Variants in CRB1 observed in about 807,000 individuals in gnomAD.
CRB1 encodes the protein protein crumbs homolog 1.
A neutral mutation model predicts 120.0 loss-of-function variants in CRB1; 83 were observed. The ratio of observed to expected loss-of-function variants is 0.69; its 90% confidence interval spans 0.58 to 0.83. The LOEUF is 0.83. Among genes scored for constraint, CRB1 ranks in the 40% least tolerant of loss-of-function variants. CRB1 has a pLI of 0.00. For synonymous variants in CRB1, 625 were observed against 612.5 expected (o/e 1.02, Z -0.30); for missense variants, 1,699 against 1,687.6 (o/e 1.01, Z -0.12).
intron 5 of CRB1, among the ~76,000 whole-genome samples, chr1:197,382,242 G>A (rs1329921912): frequency 6.6e-6 from 1 of 152,130 alleles, no homozygotes; most frequent in East Asian, 1.9e-4. Context: ...AAAATGCCTA[G>A]AACAGCACCT....
At chr1:197,438,092 G>A (rs187743351) in intron 9 of CRB1, 213 of 206,586 alleles carry the variant, frequency 1.0e-3, no homozygotes, top group African/African-American at 4.8e-3. Context: ...GCAAGTCTTG[G>A]CAGGGCAACT....
chr1:197,465,389 T>C (rs1666709677), intron 11 of CRB1, among the ~76,000 whole-genome samples: 1 of 152,200 alleles, frequency 6.6e-6, no homozygotes, highest in African/African-American at 2.4e-5. Context: ...GGGTTTGTTT[T>C]TATTTTTTTT....
intron 6 of CRB1, 79 bp from the exon 7 acceptor site, chr1:197,427,375 T>C: frequency 2.6e-6 from 3 of 1,173,312 alleles, no homozygotes; most frequent in Non-Finnish European, 3.8e-6. Context: ...TGTATAATTT[T>C]CGTCTTCCAT....
chr1:197,351,787 A>C (rs1322823269), intron 4 of CRB1, among the ~76,000 whole-genome samples: 1 of 152,168 alleles, frequency 6.6e-6, no homozygotes, highest in Non-Finnish European at 1.5e-5. Flanking sequence ...AGAAAAGGGC[A>C]CAGGTTTAGG....
chr1:197,301,902 A>C (rs185712492), intron 1 of CRB1, among the ~76,000 whole-genome samples: 8 of 152,214 alleles, frequency 5.3e-5, no homozygotes, highest in African/African-American at 1.7e-4. Flanking sequence ...AAAAAAAAAG[A>C]ATTTTGTGAA....
intron 5 of CRB1, chr1:197,358,150 A>T (rs1047499998): frequency 3.9e-5 from 6 of 152,166 alleles, no homozygotes; most frequent in African/African-American, 1.4e-4. Context: ...TCTGAAATAT[A>T]TTTGTGTATT....
intron 11 of CRB1, among the ~76,000 whole-genome samples, chr1:197,468,150 A>T (rs947239832): frequency 2.3e-4 from 35 of 152,084 alleles, no homozygotes; most frequent in African/African-American, 8.2e-4. Context: ...CTTCAGCCTA[A>T]AACATACTTC....
intron 1 of CRB1, among the ~76,000 whole-genome samples, chr1:197,308,158 T>C (rs1226030384): frequency 6.6e-6 from 1 of 152,204 alleles, no homozygotes; most frequent in African/African-American, 2.4e-5. Context: ...CTGGAGGCCG[T>C]AATCCTAAGC....
intron 1 of CRB1, 139 bp from the exon 2 acceptor site, chr1:197,328,283 G>A (rs190292660): frequency 1.2e-4 from 79 of 664,372 alleles, no homozygotes; most frequent in East Asian, 7.6e-4. Flanking sequence ...TGTAGATGAC[G>A]TAGTTTTTTC....
the CRB1 span, among the ~76,000 whole-genome samples, chr1:197,203,987 T>C: frequency 1.3e-5 from 2 of 152,234 alleles, no homozygotes; most frequent in African/African-American, 4.8e-5. Flanking sequence ...CATTGTATTA[T>C]TCTTATGCCT....
chr1:197,449,406 G>T (rs1163514325), intron 11 of CRB1, among the ~76,000 whole-genome samples: 4 of 151,802 alleles, frequency 2.6e-5, no homozygotes, highest in African/African-American at 7.2e-5. Flanking sequence ...TCGCACTGTC[G>T]CCCAGGCTGG....
chr1:197,316,323 T>C (rs1226298085), intron 1 of CRB1, among the ~76,000 whole-genome samples: 2 of 152,112 alleles, frequency 1.3e-5, no homozygotes, highest in African/African-American at 2.4e-5. Context: ...TAGCTGGGAC[T>C]ACAGGCGCCC....
intron 1 of CRB1, among the ~76,000 whole-genome samples, chr1:197,275,695 C>T (rs1655164044): frequency 6.6e-6 from 1 of 151,976 alleles, no homozygotes; most frequent in African/African-American, 2.4e-5. Flanking sequence ...AACATGCCTC[C>T]ATATTTCCTC....
At chr1:197,290,553 C>T (rs1317281424) in intron 1 of CRB1, among the ~76,000 whole-genome samples, 1 of 151,546 alleles carries the variant, frequency 6.6e-6, no homozygotes, top group Non-Finnish European at 1.5e-5. Context: ...GCAAGGGATC[C>T]GTTTTTTCTT....
intron 2 of CRB1, among the ~76,000 whole-genome samples, chr1:197,329,914 T>A (rs919264300): frequency 1.3e-5 from 2 of 152,188 alleles, no homozygotes; most frequent in African/African-American, 4.8e-5. Flanking sequence ...GCCGTTTTTG[T>A]ACCTTCCTGA....
intron 2 of CRB1, among the ~76,000 whole-genome samples, chr1:197,335,172 A>G (rs537865488): frequency 1.3e-4 from 20 of 152,296 alleles, no homozygotes; most frequent in Admixed American, 4.6e-4. Context: ...GCAGCAATAA[A>G]GTTAGTGTGA....
the CRB1 span, among the ~76,000 whole-genome samples, chr1:197,213,338 A>G: frequency 6.6e-6 from 1 of 152,180 alleles, no homozygotes; most frequent in African/African-American, 2.4e-5. Flanking sequence ...TGCAAGAAGA[A>G]AGAGTCACAA....
At position 197,328,927 on chromosome 1, in the gene CRB1, A is replaced by T. The variant is rs1347055254; in HGVS notation, c.576A>T (p.Ser192=). Residue 192 remains serine (S), a synonymous_variant, in exon 2 of 12, where the codon TCA becomes TCT. Coordinates refer to ENST00000367400, the MANE Select transcript of CRB1 (RefSeq NM_201253.3). The stretch of plus-strand genomic sequence containing the variant: ...ACTTGGAAGTGGATGAATGTGCTTC[A>T]GATCCCTGCAAGAACGAGGCTACAT... ...HCDLEVDECA[S]DPCKNEATCL... 1 of 1,614,152 alleles carries T rather than the reference A, an allele frequency of 6.2e-7. No homozygotes were observed. Among genetic ancestry groups the T allele is most frequent in the Non-Finnish European group, 8.5e-7 (1 of 1,180,052 alleles).
the CRB1 span, among the ~76,000 whole-genome samples, chr1:197,221,662 C>G: frequency 6.6e-6 from 1 of 152,078 alleles, no homozygotes; most frequent in South Asian, 2.1e-4. Context: ...TCTTGCAGCC[C>G]ATATTCAATT....
Sources: allele counts gnomAD v4.1 joint callset (sites outside exome capture counted in the v4.1 genomes callset), GRCh38; gene constraint gnomAD v4.1.1; transcripts MANE v1.5; gene names NCBI Gene and HGNC (gene_info 2026-07-23, HGNC 2026-07-21).